NCOR1: variants seen among roughly 807,000 people sequenced by gnomAD.
NCOR1 encodes the protein protein phosphatase 1, regulatory subunit 109.
A neutral mutation model predicts 288.1 loss-of-function variants in NCOR1; 63 were observed. The observed-to-expected ratio is 0.22, with a 90% confidence interval of 0.18 to 0.27. The LOEUF (loss-of-function observed/expected upper bound fraction) is 0.27. Ranked by LOEUF, NCOR1 falls within the 10% of genes least tolerant of loss-of-function variation. The pLI is 1.00. For missense variants in NCOR1, 2,397 were observed against 3,019.2 expected (o/e 0.79, Z 4.83); for synonymous variants, 1,007 against 1,065.9 (o/e 0.94, Z 1.08).
At chr17:16,170,233 G>A (rs1356824087) in intron 4 of NCOR1, among the ~76,000 whole-genome samples, 7 of 151,908 alleles carry the variant, frequency 4.6e-5, no homozygotes, top group Non-Finnish European at 1.0e-4. Flanking sequence ...CAAAGAAAAT[G>A]TGTGGGTACT....
intron 3 of NCOR1, among the ~76,000 whole-genome samples, chr17:16,183,230 C>CAAAAAAAAAAAAAAGAAAAAAAA (rs2085877420): frequency 1.6e-5 from 1 of 64,092 alleles, no homozygotes; most frequent in African/African-American, 4.6e-5. Context: ...AGCAATCAAA[C>CAAAAAAAAAAAAAAGAAAAAAAA]AAAAAAAAAA....
At position 16,070,524 on chromosome 17, in the gene NCOR1, C is replaced by T; in HGVS notation, c.4154G>A (p.Gly1385Asp). 6.2e-7 allele frequency: 1 copy of T among 1,611,848 alleles called. No homozygotes were observed. Among genetic ancestry groups the T allele is most frequent in the African/African-American group, 1.3e-5 (1 of 74,910 alleles). ...RPIIEGSISQGTPIKFDNNSG... is the reference protein window; with the variant it reads ...RPIIEGSISQDTPIKFDNNSG... ...GTTGTTGTCAAACTTTATTGGTGTG[C>T]CCTAAAGGGAAAGAAACAAACATTA... The change falls in exon 31 of 46, where the codon GGC becomes GAC. Residue 1385 changes from glycine to aspartate, a missense_variant and splice_region_variant. Around this residue, in one of 11 missense-constraint regions of NCOR1, gnomAD observed 1,872 missense variants for 2,187.8 expected, o/e 0.86. Coordinates refer to ENST00000268712, the MANE Select transcript of NCOR1 (RefSeq NM_006311.4).
intron 15 of NCOR1, among the ~76,000 whole-genome samples, chr17:16,124,093 A>C (rs2073543526): frequency 6.6e-6 from 1 of 152,236 alleles, no homozygotes; most frequent in Non-Finnish European, 1.5e-5. Context: ...ATTCCCTTAG[A>C]GGTATCTTCC....
In NCOR1 at chr17:16,119,459, G is replaced by A; in HGVS notation, c.1879C>T (p.Arg627Ter). Residue 627 changes from arginine to a stop codon, truncating the protein, a stop_gained, in exon 17 of 46, where the codon CGA (arginine) becomes TGA (stop). Coordinates refer to ENST00000268712, the MANE Select transcript of NCOR1 (RefSeq NM_006311.4). LOFTEE classifies it high-confidence loss of function. ...PISTEPVETS[R>*]WTEEEMEVAK... ...ACTTCCATTTCTTCTTCTGTCCATC[G>A]AGAGGTCTCCACAGGCTCTGTAGAA... 6.2e-7 allele frequency: 1 copy of A among 1,609,680 alleles called. No individual in the cohort carries two copies. Among genetic ancestry groups the A allele is most frequent in the Non-Finnish European group, 8.5e-7 (1 of 1,177,816 alleles).
At chr17:16,172,512 A>G (rs1246924227) in intron 3 of NCOR1, among the ~76,000 whole-genome samples, 1 of 152,214 alleles carries the variant, frequency 6.6e-6, no homozygotes, top group East Asian at 1.9e-4. Context: ...GGGATAATAT[A>G]AACCAGAAGA....
Position 16,102,738 on chromosome 17 carries a change from T to A in NCOR1, c.2183-981A>T, listed in dbSNP as rs1026152029. Among the ~76,000 whole-genome samples the A allele has an allele frequency of 2.6e-5, 4 of 152,054 alleles. No individual in the cohort carries two copies. The East Asian group carries it at 5.8e-4, about 22-fold the overall frequency. On this transcript the variant is annotated intron_variant, in intron 19 of 45. Coordinates refer to ENST00000268712, the MANE Select transcript of NCOR1 (RefSeq NM_006311.4). ...CCTCCTGAGTAGCTGGGATTATAGG[T>A]GCCTGGCACCATGCCCGGCTAATTT...
chr17:16,065,792 G>T, intron 32 of NCOR1, 98 bp from the exon 33 acceptor site: 2 of 1,055,928 alleles, frequency 1.9e-6, no homozygotes, highest in Non-Finnish European at 2.9e-6. Context: ...ATCACATGCT[G>T]AGCTAGTGCA....
chr17:16,065,119 T>G, intron 33 of NCOR1, 100 bp from the exon 34 acceptor site: 62 of 1,059,168 alleles, frequency 5.9e-5, no homozygotes, highest in Non-Finnish European at 7.8e-5. Flanking sequence ...CAAGGGTAAT[T>G]TGTACATAAT....
chr17:16,117,390 T>C (rs975732515), intron 18 of NCOR1, among the ~76,000 whole-genome samples: 13 of 151,982 alleles, frequency 8.6e-5, no homozygotes, highest in African/African-American at 2.9e-4. Context: ...CTTTACTCCT[T>C]GAGCAATAAA....
rs1337623843 is a variant in NCOR1, at chr17:16,032,062, CTAT to C, written c.*231_*233del. The C allele has an allele frequency of 2.1e-5, 10 of 481,628 alleles. No homozygotes were observed. The highest frequency in any genetic ancestry group is 2.9e-5 in the Non-Finnish European group (8 of 275,778). 29.8% of individuals were successfully genotyped at this position (481,628 alleles called of 1,614,324 possible). A position where few individuals can be genotyped will look rare whatever the true frequency, so the allele number is the denominator to read the frequency against. On this transcript the variant is annotated 3_prime_UTR_variant, in exon 46 of 46. Coordinates refer to ENST00000268712, the MANE Select transcript of NCOR1 (RefSeq NM_006311.4). ...AAAAACTCTACATCTCAACCCTCCA[CTAT>C]TATTATAGTCCACTGAATTGCCTGT...
chr17:16,075,694 C>T lies in NCOR1; in HGVS notation c.3510G>A (p.Pro1170=), dbSNP rs749626892. Residue 1170 remains proline, a synonymous_variant, in exon 27 of 46, where the codon CCG becomes CCA. Coordinates refer to ENST00000268712, the MANE Select transcript of NCOR1 (RefSeq NM_006311.4). ...TTGGTATGCCAGTCTGGGGCAGAGC[C>T]GGGGTGCCCTGCCATCAAATCAAGC... ...SLRGSITQGT[P]ALPQTGIPTE... 31 of 1,613,900 alleles carry T rather than the reference C, an allele frequency of 1.9e-5. No homozygotes were observed. Among genetic ancestry groups the T allele is most frequent in the Admixed American group, 1.0e-4 (6 of 59,984 alleles).
chr17:16,075,784 G>A, intron 26 of NCOR1, 82 bp from the exon 27 acceptor site: 1 of 1,479,858 alleles, frequency 6.8e-7, no homozygotes, highest in Non-Finnish European at 9.3e-7. Flanking sequence ...TTTAACCTAT[G>A]ACAGAGTCAG....
intron 8 of NCOR1, chr17:16,151,714 C>T: frequency 8.6e-7 from 1 of 1,168,230 alleles, no homozygotes; most frequent in Non-Finnish European, 1.2e-6. Context: ...ATTATAAAAC[C>T]AGCTAGTTTT....
chr17:16,064,612 A>G (rs932745443), intron 34 of NCOR1, among the ~76,000 whole-genome samples: 2 of 149,776 alleles, frequency 1.3e-5, no homozygotes, highest in Non-Finnish European at 3.0e-5. Context: ...CCAAAACAAA[A>G]ACAAAAAAAA....
At chr17:16,095,021 C>T (rs1404524666) in intron 21 of NCOR1, among the ~76,000 whole-genome samples, 6 of 151,226 alleles carry the variant, frequency 4.0e-5, no homozygotes, top group African/African-American at 1.2e-4. Flanking sequence ...TCTGCCTGGC[C>T]GCCCACCGTC....
intron 31 of NCOR1, among the ~76,000 whole-genome samples, chr17:16,069,254 A>T (rs998440470): frequency 6.6e-6 from 1 of 152,086 alleles, no homozygotes; most frequent in Non-Finnish European, 1.5e-5. Context: ...GCGTGCTCAA[A>T]TATGGAGTGC....
At chr17:16,165,644 G>C (rs868646622) in intron 4 of NCOR1, among the ~76,000 whole-genome samples, 28 of 152,156 alleles carry the variant, frequency 1.8e-4, no homozygotes, top group African/African-American at 6.3e-4. Context: ...AACCAAAACT[G>C]AGGTACACAA....
In NCOR1 at chr17:16,086,407, G is replaced by C; in HGVS notation, c.3052C>G (p.Leu1018Val). 6.2e-7 allele frequency: 1 copy of C among 1,614,060 alleles called. No individual in the cohort carries two copies. The highest frequency in any genetic ancestry group is 1.1e-5 in the South Asian group (1 of 91,072). Reference sequence around the variant, plus strand: ...GTCGGAAGCCGAACGCCTTCAGGGAGATTAGTTATCACTTGATGTGGAGCA... The same window carrying C: ...GTCGGAAGCCGAACGCCTTCAGGGACATTAGTTATCACTTGATGTGGAGCA... ...QPAPHQVITN[L>V]PEGVRLPTTR... Residue 1018 changes from leucine to valine, a missense_variant, in exon 23 of 46, where the codon CTC (leucine) becomes GTC (valine). Around this residue, in one of 11 missense-constraint regions of NCOR1, gnomAD observed 1,872 missense variants for 2,187.8 expected, o/e 0.86. Coordinates refer to ENST00000268712, the MANE Select transcript of NCOR1 (RefSeq NM_006311.4).
At chr17:16,042,809 A>G (rs780604935) in intron 42 of NCOR1, among the ~76,000 whole-genome samples, 7 of 152,178 alleles carry the variant, frequency 4.6e-5, no homozygotes, top group Non-Finnish European at 7.3e-5. Context: ...TCAATTTTAG[A>G]TATTTAAGGA....
Sources: allele counts gnomAD v4.1 joint callset (sites outside exome capture counted in the v4.1 genomes callset), GRCh38; gene constraint gnomAD v4.1.1; regional missense constraint gnomAD v4.1.1; transcripts MANE v1.5; gene names NCBI Gene and HGNC (gene_info 2026-07-23, HGNC 2026-07-21).